The following L3MBTL4 variants were observed in gnomAD, a reference collection of about 807,000 sequenced individuals.
L3MBTL4 encodes the protein L3MBTL histone methyl-lysine binding protein 4, also known as lethal(3)malignant brain tumor-like protein 4.
A neutral mutation model predicts 84.5 loss-of-function variants in L3MBTL4; 70 were observed. The ratio of observed to expected loss-of-function variants is 0.83; its 90% confidence interval spans 0.68 to 1.01. The LOEUF (loss-of-function observed/expected upper bound fraction) is 1.01. L3MBTL4 is among the 50% of genes least tolerant of loss of function. The probability of loss-of-function intolerance (pLI) is 0.00; values close to 1 mark genes in which losing one functional copy is unlikely to be tolerated. For missense variants in L3MBTL4, 715 were observed against 754.8 expected (o/e 0.95, Z 0.62); for synonymous variants, 274 against 259.8 (o/e 1.05, Z -0.52).
At chr18:6,034,454 C>A (rs1420009054) in intron 16 of L3MBTL4, among the ~76,000 whole-genome samples, 2 of 152,230 alleles carry the variant, frequency 1.3e-5, no homozygotes, top group African/African-American at 2.4e-5. Flanking sequence ...AATTTCATCC[C>A]TGTCCCTACA....
intron 13 of L3MBTL4, among the ~76,000 whole-genome samples, chr18:6,171,242 C>A (rs2043957528): frequency 6.6e-6 from 1 of 152,166 alleles, no homozygotes; most frequent in African/African-American, 2.4e-5. Flanking sequence ...TTAGTCATGT[C>A]AGCCTAATCA....
chr18:6,256,270 T>A (rs1321796219), intron 5 of L3MBTL4, among the ~76,000 whole-genome samples: 1 of 152,190 alleles, frequency 6.6e-6, no homozygotes, highest in Non-Finnish European at 1.5e-5. Context: ...AAAAATTCCA[T>A]TTTTAAAATA....
intron 1 of L3MBTL4, among the ~76,000 whole-genome samples, chr18:6,384,364 A>G (rs1485762633): frequency 6.6e-6 from 1 of 152,158 alleles, no homozygotes; most frequent in African/African-American, 2.4e-5. Flanking sequence ...CTGTAGTCAC[A>G]TGGAATTGGA....
intron 1 of L3MBTL4, among the ~76,000 whole-genome samples, chr18:6,413,572 T>G (rs8086562): frequency 0.58 from 88,885 of 152,082 alleles, 26,356 homozygotes; most frequent in East Asian, 0.72. Flanking sequence ...TTAGGTGGAA[T>G]AGATTAGAAA....
chr18:6,047,582 C>A (rs1216892945), intron 16 of L3MBTL4, among the ~76,000 whole-genome samples: 1 of 152,158 alleles, frequency 6.6e-6, no homozygotes, highest in African/African-American at 2.4e-5. Flanking sequence ...TCCTGGGATG[C>A]AAGGTTGGTT....
At chr18:6,232,897 C>T (rs139796386) in intron 10 of L3MBTL4, among the ~76,000 whole-genome samples, 201 of 151,766 alleles carry the variant, frequency 1.3e-3, no homozygotes, top group Non-Finnish European at 1.9e-3. Context: ...GATTTCCTCC[C>T]GATCATTATT....
intron 16 of L3MBTL4, among the ~76,000 whole-genome samples, chr18:6,071,197 C>A (rs2057582342): frequency 6.6e-6 from 1 of 151,550 alleles, no homozygotes; most frequent in African/African-American, 2.4e-5. Flanking sequence ...TTGAGACCAG[C>A]CTGGCCAACA....
chr18:6,037,705 T>C (rs2056202793), intron 16 of L3MBTL4, among the ~76,000 whole-genome samples: 1 of 152,222 alleles, frequency 6.6e-6, no homozygotes, highest in African/African-American at 2.4e-5. Flanking sequence ...AGAACACAAA[T>C]GTGTAACTAT....
chr18:6,155,607 T>C (rs1369518181), intron 13 of L3MBTL4, among the ~76,000 whole-genome samples: 1 of 152,224 alleles, frequency 6.6e-6, no homozygotes, highest in Non-Finnish European at 1.5e-5. Context: ...ACTGCTTTGC[T>C]AAGGAAAACA....
At chr18:6,394,926 A>C (rs1297323895) in intron 1 of L3MBTL4, 1 of 152,172 alleles carries the variant, frequency 6.6e-6, no homozygotes, top group Non-Finnish European at 1.5e-5. Flanking sequence ...CATGAAAATA[A>C]ATTTATCCTC....
chr18:6,370,753 T>G, intron 1 of L3MBTL4, among the ~76,000 whole-genome samples: 1 of 151,836 alleles, frequency 6.6e-6, no homozygotes, highest in East Asian at 1.9e-4. Flanking sequence ...GGCCACACTG[T>G]CCCCAGTTGA....
chr18:6,203,314 A>G (rs1426870084), intron 12 of L3MBTL4, among the ~76,000 whole-genome samples: 1 of 152,194 alleles, frequency 6.6e-6, no homozygotes, highest in Admixed American at 6.5e-5. Flanking sequence ...CTCCTCCCAC[A>G]TCATCCAGCC....
At chr18:6,119,397 C>CCTG (rs2059458229) in intron 14 of L3MBTL4, among the ~76,000 whole-genome samples, 1 of 152,164 alleles carries the variant, frequency 6.6e-6, no homozygotes, top group Non-Finnish European at 1.5e-5. Context: ...GATGTAACAT[C>CCTG]AGTTTGCTGC....
chr18:5,966,344 A>G (rs1416570581), intron 17 of L3MBTL4, among the ~76,000 whole-genome samples: 1 of 151,960 alleles, frequency 6.6e-6, no homozygotes, highest in Non-Finnish European at 1.5e-5. Context: ...AATTTTTCCA[A>G]ATTCCCTGAG....
At chr18:6,048,106 C>A (rs1292955190) in intron 16 of L3MBTL4, among the ~76,000 whole-genome samples, 1 of 152,120 alleles carries the variant, frequency 6.6e-6, no homozygotes, top group African/African-American at 2.4e-5. Flanking sequence ...TTTGTACACA[C>A]CAATAACATT....
At chr18:6,346,240 A>G (rs2052899993) in intron 1 of L3MBTL4, among the ~76,000 whole-genome samples, 1 of 151,554 alleles carries the variant, frequency 6.6e-6, no homozygotes, top group Non-Finnish European at 1.5e-5. Flanking sequence ...AAACTGGTAG[A>G]AGAAAATGTA....
At chr18:6,074,206 T>C (rs936643812) in intron 16 of L3MBTL4, among the ~76,000 whole-genome samples, 1 of 152,226 alleles carries the variant, frequency 6.6e-6, no homozygotes, top group Non-Finnish European at 1.5e-5. Context: ...TCTAGAATCT[T>C]GAATGGAGGT....
At chr18:6,262,896 C>T (rs532271080) in intron 5 of L3MBTL4, among the ~76,000 whole-genome samples, 1 of 152,330 alleles carries the variant, frequency 6.6e-6, no homozygotes, top group South Asian at 2.1e-4. Flanking sequence ...AATGCTGGCC[C>T]TTTCACATGC....
intron 14 of L3MBTL4, among the ~76,000 whole-genome samples, chr18:6,120,383 A>G (rs1437954441): frequency 1.3e-5 from 2 of 152,152 alleles, no homozygotes; most frequent in East Asian, 3.9e-4. Context: ...TTACTAACCT[A>G]ATATATCAGA....
Sources: allele counts gnomAD v4.1 joint callset (sites outside exome capture counted in the v4.1 genomes callset), GRCh38; gene constraint gnomAD v4.1.1; transcripts MANE v1.5; gene names NCBI Gene and HGNC (gene_info 2026-07-23, HGNC 2026-07-21).